Variants in ADGRF5 observed in about 807,000 individuals in gnomAD.
ADGRF5 encodes G-protein coupled receptor 116.
ADGRF5 carries 75 observed loss-of-function variants against 132.3 expected under a neutral mutation model. The observed-to-expected ratio is 0.57, with a 90% CI of 0.47 to 0.69. ADGRF5 has a LOEUF of 0.69. Among genes scored for constraint, ADGRF5 ranks in the 30% least tolerant of loss-of-function variants. The probability of loss-of-function intolerance (pLI) is 0.00; values close to 1 mark genes in which losing one functional copy is unlikely to be tolerated. For missense variants in ADGRF5, 1,516 were observed against 1,630.6 expected, an observed-to-expected ratio of 0.93 and a Z score of 1.21; for synonymous variants, 629 against 597.6, an observed-to-expected ratio of 1.05 and a Z score of -0.77.
chr6:46,876,266 T>C (rs905228594), intron 10 of ADGRF5, among the ~76,000 whole-genome samples: 3 of 152,234 alleles, frequency 2.0e-5, no homozygotes, highest in Admixed American at 2.0e-4. Flanking sequence ...AATCCATTGT[T>C]CTGCAGTCAT....
chr6:46,951,063 G>A (rs928102310), intron 1 of ADGRF5, among the ~76,000 whole-genome samples: 3 of 152,216 alleles, frequency 2.0e-5, no homozygotes, highest in Admixed American at 2.0e-4. Context: ...ATCTGTGGCA[G>A]GCCACTGGAA....
chr6:46,939,050 T>G (rs991977061), intron 1 of ADGRF5, among the ~76,000 whole-genome samples: 1 of 152,040 alleles, frequency 6.6e-6, no homozygotes, highest in African/African-American at 2.4e-5. Flanking sequence ...TTTGTATTTT[T>G]AGTAGAGATG....
chr6:46,876,649 G>T (rs1477296380), intron 10 of ADGRF5, among the ~76,000 whole-genome samples: 2 of 152,174 alleles, frequency 1.3e-5, no homozygotes, highest in African/African-American at 4.8e-5. Context: ...TGTCACCCAG[G>T]CTGTAGTGCA....
intron 1 of ADGRF5, among the ~76,000 whole-genome samples, chr6:46,928,480 C>A (rs1777368582): frequency 6.6e-6 from 1 of 151,746 alleles, no homozygotes; most frequent in African/African-American, 2.4e-5. Flanking sequence ...ATATTCTGAC[C>A]ACCTCTTCAC....
intron 10 of ADGRF5, among the ~76,000 whole-genome samples, chr6:46,875,728 G>A (rs1198707610): frequency 6.6e-6 from 1 of 152,202 alleles, no homozygotes; most frequent in African/African-American, 2.4e-5. Context: ...AGTGAGTCGA[G>A]ATTGCGCCAC....
At chr6:46,866,711 C>A (rs534376040) in intron 13 of ADGRF5, among the ~76,000 whole-genome samples, 11 of 152,034 alleles carry the variant, frequency 7.2e-5, no homozygotes, top group African/African-American at 2.7e-4. Context: ...AAAAAAAAGG[C>A]TCCACCATTG....
intron 1 of ADGRF5, among the ~76,000 whole-genome samples, chr6:46,915,846 T>C (rs748635791): frequency 2.6e-5 from 4 of 152,156 alleles, no homozygotes; most frequent in Non-Finnish European, 5.9e-5. Flanking sequence ...AAGTATTCTG[T>C]AGAGGCAAAC....
At chr6:46,948,877 A>G (rs1778395767) in intron 1 of ADGRF5, among the ~76,000 whole-genome samples, 1 of 152,138 alleles carries the variant, frequency 6.6e-6, no homozygotes, top group African/African-American at 2.4e-5. Context: ...CGGGGTTAAC[A>G]TGAGCCTCTA....
At position 46,937,221 on chromosome 6, in the gene ADGRF5, AGTGTGTGT is replaced by A. The variant is rs10558166; in HGVS notation, c.-25+17505_-25+17512del. ...ATGAAGCAAGGTACAGGCAATAAGG[AGTGTGTGT>A]GTGTGTGTGTGTGTGTGTGTGTGAG... On this transcript the variant is annotated intron_variant, in intron 1 of 20. Coordinates refer to the ADGRF5 transcript ENST00000265417. 8.2e-5 allele frequency among the ~76,000 whole-genome samples: 12 copies of A among 146,796 alleles called. No homozygotes were observed. The South Asian group carries it at 1.3e-3, about 16-fold the overall frequency.
chr6:46,917,426 C>A (rs1776516886), intron 1 of ADGRF5, among the ~76,000 whole-genome samples: 1 of 152,152 alleles, frequency 6.6e-6, no homozygotes. Flanking sequence ...AGTCAGACTG[C>A]CTGAGATGGA....
chr6:46,889,905 C>A (rs1773476648), intron 3 of ADGRF5, among the ~76,000 whole-genome samples: 4 of 151,696 alleles, frequency 2.6e-5, no homozygotes, highest in Admixed American at 2.6e-4. Flanking sequence ...CTTACTTACT[C>A]CATCTGGCAA....
intron 1 of ADGRF5, among the ~76,000 whole-genome samples, chr6:46,938,442 G>A (rs990586444): frequency 6.6e-6 from 1 of 152,192 alleles, no homozygotes; most frequent in African/African-American, 2.4e-5. Flanking sequence ...TGAGAAACTT[G>A]GGGGCTGCTG....
intron 3 of ADGRF5, among the ~76,000 whole-genome samples, chr6:46,896,843 T>G (rs545227886): frequency 7.3e-5 from 11 of 151,076 alleles, no homozygotes; most frequent in Non-Finnish European, 1.6e-4. Context: ...TGTACAGCCT[T>G]TTTTTCATGT....
rs758449908 is a variant in ADGRF5, at chr6:46,878,380, T to C, written c.1062A>G (p.Leu354=). ...DAGEYVCKLI[L]DIFEYECKKK... ...TCTTGCACTCATATTCAAAAATGTC[T>C]AATATCAGTTTGCAAACATATTCAC... is the stretch of plus-strand genomic sequence containing the variant. The change falls in exon 10 of 21, where the codon TTA becomes TTG. Residue 354 remains leucine (L), a synonymous_variant. Coordinates refer to ENST00000283296, the MANE Select transcript of ADGRF5 (RefSeq NM_001098518.2). The C allele has an allele frequency of 1.9e-6, 3 of 1,607,432 alleles. No homozygotes were observed. Among genetic ancestry groups the C allele is most frequent in the South Asian group, 2.2e-5 (2 of 90,896 alleles).
In ADGRF5 at chr6:46,870,731, G is replaced by T. The variant is rs529203374; in HGVS notation, c.1411+1112C>A. Reference sequence around the variant, plus strand: ...CAAACTACCAGACTAGTGATTTTCAGCAAAGGCTTAACATGTCCCTAAGAC... The same window carrying T: ...CAAACTACCAGACTAGTGATTTTCATCAAAGGCTTAACATGTCCCTAAGAC... On this transcript the variant is annotated intron_variant, in intron 11 of 20. Transcript: ENST00000283296. The T allele has an allele frequency of 3.0e-4, 84 of 278,550 alleles. 1 individual carries two copies. The highest frequency in any genetic ancestry group is 2.3e-3 in the South Asian group (76 of 33,670). 17.3% of individuals were successfully genotyped at this position (278,550 alleles called of 1,614,324 possible).
Position 46,878,210 on chromosome 6 carries a change from T to C in ADGRF5, c.1232A>G (p.Asn411Ser), listed in dbSNP as rs1227347424. 5 of 1,608,680 alleles carry C rather than the reference T, an allele frequency of 3.1e-6. No individual in the cohort carries two copies. The highest frequency in any genetic ancestry group is 4.3e-6 in the Non-Finnish European group (5 of 1,175,176). Residue 411 changes from asparagine to serine, a missense_variant, in exon 10 of 21, where the codon AAT (asparagine) becomes AGT (serine). Asn to Ser is a conservative substitution (Grantham distance 46, BLOSUM62 1). Around this residue, in one of 2 missense-constraint regions of ADGRF5, gnomAD observed 945 missense variants for 929.4 expected, o/e 1.02. Coordinates refer to ENST00000283296, the MANE Select transcript of ADGRF5 (RefSeq NM_001098518.2). ...TTATCTAACATTCTCACCTGGAATA[T>C]TTATTTTTCCTTCCTGCTTCCATTC... Reference protein sequence around the residue: ...KVEWKQEGKINIPGTPETDID... With the variant: ...KVEWKQEGKISIPGTPETDID...
intron 7 of ADGRF5, among the ~76,000 whole-genome samples, 162 bp downstream of exon 7, chr6:46,881,887 A>G (rs1183587551): frequency 6.6e-6 from 1 of 152,176 alleles, no homozygotes; most frequent in Non-Finnish European, 1.5e-5. Flanking sequence ...TCTTTCTTTT[A>G]AACAGGTACA....
At chr6:46,876,414 C>G (rs1297537692) in intron 10 of ADGRF5, among the ~76,000 whole-genome samples, 1 of 152,198 alleles carries the variant, frequency 6.6e-6, no homozygotes, top group East Asian at 1.9e-4. Flanking sequence ...TCTGGCAGTT[C>G]CTTCAGGATA....
At chr6:46,856,079 G>C in intron 19 of ADGRF5, 21 bp from the exon 20 acceptor site, 2 of 1,410,060 alleles carry the variant, frequency 1.4e-6, no homozygotes, top group East Asian at 2.3e-5. Flanking sequence ...GAAAAAAAGG[G>C]ACAATCACAA....
Sources: allele counts gnomAD v4.1 joint callset (sites outside exome capture counted in the v4.1 genomes callset), GRCh38; gene constraint gnomAD v4.1.1; regional missense constraint gnomAD v4.1.1; transcripts MANE v1.5; gene names NCBI Gene and HGNC (gene_info 2026-07-23, HGNC 2026-07-21).